ATP11A: variants seen among roughly 807,000 people sequenced by gnomAD.
ATP11A encodes the protein ATPase phospholipid transporting 11A.
ATP11A carries 81 observed loss-of-function variants against 154.4 expected under a neutral mutation model. The observed-to-expected ratio is 0.52, with a 90% CI of 0.44 to 0.63. The LOEUF (loss-of-function observed/expected upper bound fraction) is 0.63. Among genes scored for constraint, ATP11A ranks in the 30% least tolerant of loss-of-function variants. The pLI is 0.00. For synonymous variants in ATP11A, 623 were observed against 585.9 expected (o/e 1.06, Z -0.91); for missense variants, 1,316 against 1,474.3 (o/e 0.89, Z 1.76).
chr13:112,712,452 G>T (rs1311747862), intron 1 of ATP11A, among the ~76,000 whole-genome samples: 4 of 152,210 alleles, frequency 2.6e-5, no homozygotes, highest in Non-Finnish European at 5.9e-5. Context: ...AGCTCACTGG[G>T]CCCCACAGTG....
intron 2 of ATP11A, among the ~76,000 whole-genome samples, chr13:112,803,810 C>CT (rs1418733980): frequency 2.1e-5 from 2 of 95,306 alleles, no homozygotes; most frequent in Admixed American, 2.3e-4. Context: ...CCCCTCCCTC[C>CT]CCTCCTTCCT....
At chr13:112,700,999 G>T (rs1036287806) in intron 1 of ATP11A, among the ~76,000 whole-genome samples, 1 of 152,216 alleles carries the variant, frequency 6.6e-6, no homozygotes, top group Non-Finnish European at 1.5e-5. Context: ...AAGAGGCTGG[G>T]CTTGGCTCAG....
intron 4 of ATP11A, among the ~76,000 whole-genome samples, chr13:112,808,342 C>A (rs2078383299): frequency 6.6e-6 from 1 of 151,978 alleles, no homozygotes; most frequent in African/African-American, 2.4e-5. Context: ...GTTCTGGGCC[C>A]CATCACCAGC....
intron 1 of ATP11A, among the ~76,000 whole-genome samples, chr13:112,708,297 G>T (rs1053500563): frequency 2.6e-5 from 4 of 152,100 alleles, no homozygotes; most frequent in Non-Finnish European, 5.9e-5. Context: ...GATTGTAATG[G>T]TTACTATTTT....
intron 2 of ATP11A, among the ~76,000 whole-genome samples, chr13:112,795,030 A>C (rs964624049): frequency 5.3e-5 from 8 of 152,090 alleles, no homozygotes; most frequent in Non-Finnish European, 5.9e-5. Context: ...GATCACCTGA[A>C]GTCAGGAGTT....
intron 2 of ATP11A, among the ~76,000 whole-genome samples, chr13:112,787,857 A>G (rs61697619): frequency 7.1e-6 from 1 of 141,778 alleles, no homozygotes; most frequent in African/African-American, 2.7e-5. Flanking sequence ...GTCCTGATGT[A>G]TAGACCCTTG....
chr13:112,733,121 G>T lies in ATP11A; in HGVS notation c.39+42666G>T, dbSNP rs886857785. 3.9e-5 allele frequency among the ~76,000 whole-genome samples: 6 copies of T among 152,206 alleles called. No individual in the cohort carries two copies. In the East Asian group the frequency reaches 5.8e-4, roughly 15 times the overall value. ...GAAGCACAATGATACATTTCTTAAA[G>T]AACTAATTATACAGGCAAACACTAT... On this transcript the variant is annotated intron_variant, in intron 1 of 29. Coordinates refer to ENST00000375645, the MANE Select transcript of ATP11A (RefSeq NM_015205.3).
At chr13:112,723,334 C>A (rs1262052642) in intron 1 of ATP11A, among the ~76,000 whole-genome samples, 4 of 99,186 alleles carry the variant, frequency 4.0e-5, no homozygotes, top group East Asian at 3.1e-4. Context: ...TGCAGTGGCG[C>A]GATCTCGGCT....
At chr13:112,831,959 ACACT>A (rs3061233) in intron 13 of ATP11A, among the ~76,000 whole-genome samples, 55,898 of 150,592 alleles carry the variant, frequency 0.37, 11,688 homozygotes, top group African/African-American at 0.57. Flanking sequence ...GCAGACACAC[ACACT>A]CACACATGCC....
chr13:112,748,660 C>G (rs535836714), intron 1 of ATP11A, among the ~76,000 whole-genome samples: 2 of 152,314 alleles, frequency 1.3e-5, no homozygotes, highest in Admixed American at 1.3e-4. Flanking sequence ...GCCACCACGC[C>G]CGGCCTGAAT....
At chr13:112,851,822 T>C (rs2079775949) in intron 18 of ATP11A, 1 of 152,296 alleles carries the variant, frequency 6.6e-6, no homozygotes, top group South Asian at 2.1e-4. Flanking sequence ...CATGCCTGAC[T>C]GTAATTACTC....
intron 1 of ATP11A, among the ~76,000 whole-genome samples, chr13:112,711,674 C>T (rs771380112): frequency 7.9e-5 from 12 of 152,210 alleles, no homozygotes; most frequent in African/African-American, 2.9e-4. Flanking sequence ...GGCTTTGGAC[C>T]GGGCAAGACT....
chr13:112,738,138 G>A (rs1891179122), intron 1 of ATP11A, among the ~76,000 whole-genome samples: 1 of 152,156 alleles, frequency 6.6e-6, no homozygotes. Flanking sequence ...TTGGGAGGCT[G>A]AGGCAGGCAG....
intron 1 of ATP11A, among the ~76,000 whole-genome samples, chr13:112,700,606 G>T (rs1168077090): frequency 6.6e-6 from 1 of 152,254 alleles, no homozygotes; most frequent in East Asian, 1.9e-4. Flanking sequence ...CCTGTGAAGG[G>T]TGAGTGAACG....
chr13:112,845,339 T>G (rs1410634867), intron 17 of ATP11A, among the ~76,000 whole-genome samples: 1 of 117,152 alleles, frequency 8.5e-6, no homozygotes, highest in Non-Finnish European at 1.7e-5. Flanking sequence ...CTATCGGTAC[T>G]AACCAGTCCA....
At chr13:112,693,419 C>T (rs1237536588) in intron 1 of ATP11A, among the ~76,000 whole-genome samples, 2 of 136,560 alleles carry the variant, frequency 1.5e-5, no homozygotes, top group African/African-American at 2.9e-5. Context: ...CTGTCGGGGG[C>T]GTGAGGTGGT....
chr13:112,721,078 T>C (rs1889119155), intron 1 of ATP11A, among the ~76,000 whole-genome samples: 1 of 152,110 alleles, frequency 6.6e-6, no homozygotes, highest in Non-Finnish European at 1.5e-5. Context: ...AGGGCCACAG[T>C]TGCTGATCGG....
At position 112,779,182 on chromosome 13, in the gene ATP11A, C is replaced by T. The variant is rs192302371; in HGVS notation, c.40-5953C>T. On this transcript the variant is annotated intron_variant, in intron 1 of 29. Coordinates refer to ENST00000375645, the MANE Select transcript of ATP11A (RefSeq NM_015205.3). ...GAGTAGCCACTGGAGTACGAGTAGCCGCTGGAGTGAGGAGTAGCCACTGGA... is the reference window on the plus strand; with the variant it reads ...GAGTAGCCACTGGAGTACGAGTAGCTGCTGGAGTGAGGAGTAGCCACTGGA... Among the ~76,000 whole-genome samples, 273 of 132,074 alleles carry T rather than the reference C, an allele frequency of 2.1e-3. 4 individuals carry two copies. Among genetic ancestry groups the T allele is most frequent in the African/African-American group, 7.9e-3 (260 of 32,966 alleles). The allele number at this position is 132,074 out of a possible 152,430, so 86.6% of individuals were successfully genotyped here.
rs1280497103 is a variant in ATP11A at position 112,785,415 on chromosome 13, G to A, written c.162+158G>A. On this transcript the variant is annotated intron_variant, in intron 2 of 29. Coordinates refer to ENST00000375645, the MANE Select transcript of ATP11A (RefSeq NM_015205.3). The surrounding 1 kb of genome is among the most constrained non-coding windows in gnomAD (Gnocchi z 4.8). ...GGGCTTCGGATCAGGACCTCACCGA[G>A]GGCGCTACTCTCTCCCTCTCGGTGA... is the stretch of plus-strand genomic sequence containing the variant. Among the ~76,000 whole-genome samples the A allele has an allele frequency of 6.6e-6, 1 of 151,924 alleles. No homozygotes were observed. Among genetic ancestry groups the A allele is most frequent in the African/African-American group, 2.4e-5 (1 of 41,374 alleles).
Sources: gnomAD v4.1 joint callset for allele counts (sites outside exome capture counted in the v4.1 genomes callset) on GRCh38, gnomAD v4.1.1 for gene constraint, Gnocchi (gnomAD v3.1) non-coding constraint, MANE v1.5 for transcripts, NCBI Gene and HGNC (gene_info 2026-07-23, HGNC 2026-07-21) for gene names.